Variants in FKBP5 observed in about 807,000 individuals in gnomAD.
The protein encoded by FKBP5 is FKBP prolyl isomerase 5, also known as peptidyl-prolyl cis-trans isomerase FKBP5.
In FKBP5, 23 loss-of-function variants were observed where a neutral mutation model predicts 50.5. The observed-to-expected ratio is 0.46, with a 90% CI of 0.33 to 0.65. FKBP5 has a LOEUF of 0.65. Ranked by LOEUF, FKBP5 falls within the 30% of genes least tolerant of loss-of-function variation. FKBP5 has a pLI of 0.02. For synonymous variants in FKBP5, 176 were observed against 190.6 expected (o/e 0.92, Z 0.63); for missense variants, 411 against 553.1 (o/e 0.74, Z 2.58).
At chr6:35,637,238 C>T (rs1764339071) in intron 2 of FKBP5, 80 bp from the exon 3 acceptor site, 1 of 1,244,544 alleles carries the variant, frequency 8.0e-7, no homozygotes, top group East Asian at 2.4e-5. Context: ...CACAGTCCAT[C>T]CCAAGACATC....
chr6:35,622,322 G>T (rs1763868863), intron 3 of FKBP5, among the ~76,000 whole-genome samples: 1 of 152,044 alleles, frequency 6.6e-6, no homozygotes, highest in Admixed American at 6.6e-5. Context: ...ACCGGCCAGG[G>T]CAACATAGTG....
In FKBP5 at chr6:35,574,107, G is replaced by T. The variant is rs568424949; in HGVS notation, c.*1728C>A. 1 of 152,208 alleles carries T rather than the reference G, an allele frequency of 6.6e-6. No individual in the cohort carries two copies. The highest frequency in any genetic ancestry group is 2.1e-4 in the South Asian group (1 of 4,824). 9.4% of individuals were successfully genotyped at this position (152,208 alleles called of 1,614,324 possible). A position where few individuals can be genotyped will look rare whatever the true frequency, so the allele number is the denominator to read the frequency against. On this transcript the variant is annotated 3_prime_UTR_variant, in exon 11 of 11. Coordinates refer to ENST00000357266, the MANE Select transcript of FKBP5 (RefSeq NM_004117.4). The stretch of plus-strand genomic sequence containing the variant: ...GTAGGTGAGACTGGGGCTTTTAAAA[G>T]AAATATTTCATAAAAAAGACAAAAG...
chr6:35,591,014 T>C, intron 7 of FKBP5, 116 bp downstream of exon 7: 1 of 611,464 alleles, frequency 1.6e-6, no homozygotes, highest in African/African-American at 1.9e-5. Context: ...AGAGACAAAC[T>C]TGATAATGAA....
chr6:35,631,572 A>G (rs551119579), intron 3 of FKBP5, among the ~76,000 whole-genome samples: 1 of 152,336 alleles, frequency 6.6e-6, no homozygotes, highest in East Asian at 1.9e-4. Flanking sequence ...TACGTAAATA[A>G]TACCTCAATA....
intron 3 of FKBP5, among the ~76,000 whole-genome samples, chr6:35,634,436 T>C (rs904183081): frequency 2.6e-5 from 4 of 152,174 alleles, no homozygotes; most frequent in African/African-American, 9.7e-5. Context: ...TCATGAGCCA[T>C]TAACCTACTA....
At chr6:35,581,070 G>A (rs868161744) in intron 8 of FKBP5, 1 of 963,814 alleles carries the variant, frequency 1.0e-6, no homozygotes, top group African/African-American at 1.8e-5. Context: ...AATGGGTGCA[G>A]CTGTGTTTCA....
rs554836527 is a variant in FKBP5 at position 35,713,153 on chromosome 6, G to A, written c.-20+7175C>T. Among the ~76,000 whole-genome samples the A allele has an allele frequency of 2.1e-4, 31 of 150,816 alleles. No homozygotes were observed. The East Asian group carries it at 6.1e-3, about 30-fold the overall frequency. ...ATCTTATAACATGAAGCCAGTATTA[G>A]TAGAGTGGGCATAAGCGGGTGGGGC... On this transcript the variant is annotated intron_variant, in intron 2 of 11. Coordinates refer to the FKBP5 transcript ENST00000536438.
chr6:35,662,447 T>A (rs1377310036), intron 1 of FKBP5, among the ~76,000 whole-genome samples: 1 of 136,802 alleles, frequency 7.3e-6, no homozygotes, highest in Admixed American at 7.5e-5. Flanking sequence ...GCTAATTTTT[T>A]AATTTTTTTT....
At chr6:35,628,808 C>T (rs566153767) in intron 3 of FKBP5, among the ~76,000 whole-genome samples, 1 of 151,766 alleles carries the variant, frequency 6.6e-6, no homozygotes, top group Non-Finnish European at 1.5e-5. Flanking sequence ...AACCTCCACT[C>T]CCAGGCTCAA....
chr6:35,668,897 C>G (rs1354039766), intron 1 of FKBP5, among the ~76,000 whole-genome samples: 1 of 152,026 alleles, frequency 6.6e-6, no homozygotes, highest in Non-Finnish European at 1.5e-5. Context: ...AAATGCAGCT[C>G]AACCAAGCAT....
Position 35,605,304 on chromosome 6 carries a change from C to CA in FKBP5, c.509-7901_509-7900insT, listed in dbSNP as rs1763273829. ...AAGCATTCAATAAAATCCAACATCCCTTCATTATAAAAAACCCTCAATAAA... is the reference window on the plus strand; with the variant it reads ...AAGCATTCAATAAAATCCAACATCCCATTCATTATAAAAAACCCTCAATAAA... On this transcript the variant is annotated intron_variant, in intron 5 of 10. Transcript: ENST00000357266. Among the ~76,000 whole-genome samples, 6 of 150,496 alleles carry CA rather than the reference C, an allele frequency of 4.0e-5. No individual in the cohort carries two copies. The South Asian group carries it at 1.3e-3, about 32-fold the overall frequency.
chr6:35,647,025 A>G (rs1764648675), intron 1 of FKBP5, among the ~76,000 whole-genome samples: 1 of 152,208 alleles, frequency 6.6e-6, no homozygotes, highest in African/African-American at 2.4e-5. Context: ...CTTTGTTAAA[A>G]TATCAGTGTC....
intron 2 of FKBP5, among the ~76,000 whole-genome samples, chr6:35,708,553 T>G (rs1022562436): frequency 4.1e-5 from 6 of 147,400 alleles, no homozygotes; most frequent in Non-Finnish European, 7.4e-5. Context: ...CGCCTGGCCT[T>G]GTACAATGGA....
At chr6:35,583,268 T>C (rs916356530) in intron 8 of FKBP5, 3 of 985,276 alleles carry the variant, frequency 3.0e-6, no homozygotes, top group Non-Finnish European at 3.6e-6. Context: ...ACTTAACTTT[T>C]CTGATTATCT....
At chr6:35,648,896 C>T (rs9357202) in intron 1 of FKBP5, among the ~76,000 whole-genome samples, 96,195 of 151,170 alleles carry the variant, frequency 0.64, 30,872 homozygotes, top group East Asian at 0.68. Context: ...TTGCAGTGAG[C>T]GGAGATTGTG....
intron 1 of FKBP5, among the ~76,000 whole-genome samples, chr6:35,663,517 CCTT>C (rs1235290218): frequency 3.9e-5 from 6 of 152,186 alleles, no homozygotes; most frequent in Non-Finnish European, 8.8e-5. Context: ...AATCCAAAGT[CCTT>C]CTTATGCTTA....
intron 1 of FKBP5, among the ~76,000 whole-genome samples, chr6:35,726,267 T>C (rs940564467): frequency 6.6e-6 from 1 of 152,154 alleles, no homozygotes. Context: ...GGCAGCTCTC[T>C]TGGGTGTAGT....
At chr6:35,584,360 A>G in intron 8 of FKBP5, 1 of 985,476 alleles carries the variant, frequency 1.0e-6, no homozygotes, top group Non-Finnish European at 1.2e-6. Flanking sequence ...CCATTTAGGT[A>G]TAAACCAAAC....
At chr6:35,699,105 G>A (rs1331215859) in intron 2 of FKBP5, among the ~76,000 whole-genome samples, 1 of 152,216 alleles carries the variant, frequency 6.6e-6, no homozygotes, top group African/African-American at 2.4e-5. Context: ...GAACAGGGCT[G>A]AATGATCCAC....
Sources: gnomAD v4.1 joint callset for allele counts (sites outside exome capture counted in the v4.1 genomes callset) on GRCh38, gnomAD v4.1.1 for gene constraint, MANE v1.5 for transcripts, NCBI Gene and HGNC (gene_info 2026-07-23, HGNC 2026-07-21) for gene names.